KLF7: variants seen among roughly 807,000 people sequenced by gnomAD.
KLF7 encodes Krueppel-like factor 7.
In KLF7, 2 loss-of-function variants were observed where a neutral mutation model predicts 27.3. The observed-to-expected ratio is 0.07, with a 90% CI of 0.03 to 0.23. KLF7 has a LOEUF of 0.23. KLF7 is among the 10% of genes least tolerant of loss of function. The pLI is 1.00. For missense variants in KLF7, 221 were observed against 394.1 expected (o/e 0.56, Z 3.72); for synonymous variants, 165 against 162.4 (o/e 1.02, Z -0.12).
upstream of KLF7, chr2:207,166,261 G>T: frequency 2.2e-6 from 2 of 889,484 alleles, no homozygotes; most frequent in Non-Finnish European, 1.3e-6. Context: ...GCCTGGGGCG[G>T]GGCTTGGCCC....
intron 2 of KLF7, among the ~76,000 whole-genome samples, chr2:207,120,198 C>T (rs1559137585): frequency 6.6e-6 from 1 of 152,170 alleles, no homozygotes; most frequent in Non-Finnish European, 1.5e-5. Context: ...AAAATCACCT[C>T]ATTGCCTAAT....
At chr2:207,172,431 G>T in the KLF7 span, among the ~76,000 whole-genome samples, 4 of 152,086 alleles carry the variant, frequency 2.6e-5, no homozygotes, top group African/African-American at 9.7e-5. Context: ...ATTTTTGAAG[G>T]CTCCCATGTC....
chr2:207,135,033 A>G (rs2077746453), intron 1 of KLF7, among the ~76,000 whole-genome samples: 1 of 152,220 alleles, frequency 6.6e-6, no homozygotes, highest in African/African-American at 2.4e-5. Context: ...ATGGAAAATA[A>G]AAAATACCAA....
At chr2:207,136,671 G>A (rs1255798986) in intron 1 of KLF7, among the ~76,000 whole-genome samples, 4 of 152,082 alleles carry the variant, frequency 2.6e-5, no homozygotes, top group African/African-American at 9.7e-5. Context: ...AGGAGAACAG[G>A]GATTTAGTGT....
At chr2:207,135,791 T>C (rs2077767873) in intron 1 of KLF7, among the ~76,000 whole-genome samples, 1 of 152,170 alleles carries the variant, frequency 6.6e-6, no homozygotes, top group African/African-American at 2.4e-5. Context: ...ATAGGTGTTA[T>C]TTACTTGTCT....
intron 2 of KLF7, among the ~76,000 whole-genome samples, chr2:207,093,418 C>T (rs67031235): frequency 0.08 from 12,113 of 152,248 alleles, 566 homozygotes; most frequent in Middle Eastern, 0.13. Context: ...CAGGCTCCCA[C>T]CTCGAGGCCT....
intron 2 of KLF7, among the ~76,000 whole-genome samples, chr2:207,118,027 A>C (rs2077235172): frequency 6.6e-6 from 1 of 152,226 alleles, no homozygotes; most frequent in Admixed American, 6.5e-5. Flanking sequence ...ACAGTAAATA[A>C]GAAGCAAAAC....
At chr2:207,102,794 G>A (rs1020145786) in intron 2 of KLF7, among the ~76,000 whole-genome samples, 4 of 152,040 alleles carry the variant, frequency 2.6e-5, no homozygotes, top group African/African-American at 9.7e-5. Context: ...AGTATCCCTT[G>A]GTTTTTGTTG....
intron 2 of KLF7, among the ~76,000 whole-genome samples, chr2:207,116,790 A>C (rs2077199831): frequency 6.6e-6 from 1 of 151,988 alleles, no homozygotes; most frequent in Non-Finnish European, 1.5e-5. Context: ...CACCCTTGAA[A>C]CCTTTGAATT....
chr2:207,086,459 G>A (rs918279369), intron 3 of KLF7, among the ~76,000 whole-genome samples: 3 of 151,766 alleles, frequency 2.0e-5, no homozygotes, highest in South Asian at 2.1e-4. Context: ...GTCGCGGGAC[G>A]CTGATCTACT....
intron 1 of KLF7, among the ~76,000 whole-genome samples, chr2:207,138,071 T>G (rs2077838393): frequency 6.6e-6 from 1 of 152,190 alleles, no homozygotes; most frequent in African/African-American, 2.4e-5. Flanking sequence ...CCGAATGACA[T>G]GCACTTTCAG....
intron 1 of KLF7, among the ~76,000 whole-genome samples, chr2:207,144,475 C>T (rs1378272269): frequency 6.6e-6 from 1 of 152,146 alleles, no homozygotes; most frequent in Non-Finnish European, 1.5e-5. Context: ...CACCACCAAC[C>T]CTATCCTTGT....
Position 207,075,620 on chromosome 2 carries a change from T to C in KLF7, c.*5593A>G, listed in dbSNP as rs1429101391. 1.3e-5 allele frequency: 2 copies of C among 151,848 alleles called. No individual in the cohort carries two copies. Among genetic ancestry groups the C allele is most frequent in the Non-Finnish European group, 2.9e-5 (2 of 67,958 alleles). The allele number at this position is 151,848 out of a possible 1,614,324, so 9.4% of individuals were successfully genotyped here. A position where few individuals can be genotyped will look rare whatever the true frequency, so the allele number is the denominator to read the frequency against. On this transcript the variant is annotated 3_prime_UTR_variant, in exon 4 of 4. Coordinates refer to ENST00000309446, the MANE Select transcript of KLF7 (RefSeq NM_003709.4). ...GATAATAGAGATTTGAAAGAAAAGT[T>C]TCAGTGGCTGGGAAGTTGTGTGGGA...
chr2:207,141,853 G>C (rs1235605946), intron 1 of KLF7, among the ~76,000 whole-genome samples: 1 of 152,012 alleles, frequency 6.6e-6, no homozygotes, highest in Non-Finnish European at 1.5e-5. Context: ...TTATCAGCTG[G>C]AGAACCTTAA....
chr2:207,159,102 C>A (rs1352254956), intron 1 of KLF7, among the ~76,000 whole-genome samples: 1 of 152,176 alleles, frequency 6.6e-6, no homozygotes, highest in Non-Finnish European at 1.5e-5. Flanking sequence ...GGCTGAGAAC[C>A]TGACTTTCAA....
chr2:207,155,759 A>G (rs188178035), intron 1 of KLF7, among the ~76,000 whole-genome samples: 44 of 152,294 alleles, frequency 2.9e-4, no homozygotes, highest in South Asian at 8.3e-4. Flanking sequence ...CTCACAGAAG[A>G]CATCCTTCAA....
In KLF7 at chr2:207,165,813, C is replaced by G. The variant is rs2078690466; in HGVS notation, c.-245G>C. 1 of 1,350,662 alleles carries G rather than the reference C, an allele frequency of 7.4e-7. No individual in the cohort carries two copies. The highest frequency in any genetic ancestry group is 1.5e-5 in the African/African-American group (1 of 68,756). 83.7% of individuals were successfully genotyped at this position (1,350,662 alleles called of 1,614,324 possible). A position where few individuals can be genotyped will look rare whatever the true frequency, so the allele number is the denominator to read the frequency against. On this transcript the variant is annotated 5_prime_UTR_variant, in exon 1 of 4. Transcript: ENST00000309446. ...AGGCATCCAGCGTGTACAGTGCAGA[C>G]GACTGCCAGGAAAAGGGGACTTCTC...
upstream of KLF7, chr2:207,167,125 C>T: frequency 2.1e-6 from 3 of 1,432,514 alleles, no homozygotes; most frequent in East Asian, 3.0e-5. Flanking sequence ...GGGGCCTTTA[C>T]GTGATGAGGC....
intron 2 of KLF7, chr2:207,121,105 A>G (rs1267449244): frequency 6.6e-6 from 1 of 152,150 alleles, no homozygotes; most frequent in Non-Finnish European, 1.5e-5. Flanking sequence ...ACTGCTTTCT[A>G]TGTTGTGGGA....
Sources: allele counts gnomAD v4.1 joint callset (sites outside exome capture counted in the v4.1 genomes callset), GRCh38; gene constraint gnomAD v4.1.1; transcripts MANE v1.5; gene names NCBI Gene and HGNC (gene_info 2026-07-23, HGNC 2026-07-21).